Variants in SMC6 observed in about 807,000 individuals in gnomAD.
The protein encoded by SMC6 is structural maintenance of chromosomes protein 6.
In SMC6, 79 loss-of-function variants were observed where a neutral mutation model predicts 142.2. The observed-to-expected ratio is 0.56, with a 90% confidence interval of 0.46 to 0.67. The LOEUF is 0.67. Ranked by LOEUF, SMC6 falls within the 30% of genes least tolerant of loss-of-function variation. The pLI, the probability that SMC6 is intolerant of heterozygous loss-of-function variation, is 0.00. For missense variants in SMC6, 1,072 were observed against 1,284.0 expected (o/e 0.83, Z 2.52); for synonymous variants, 411 against 412.4 (o/e 1.00, Z 0.04).
chr2:17,687,565 C>A (rs1396988492), intron 23 of SMC6, among the ~76,000 whole-genome samples: 4 of 151,928 alleles, frequency 2.6e-5, no homozygotes, highest in Admixed American at 2.6e-4. Context: ...CACATATGAA[C>A]CTGCTTACTT....
chr2:17,669,313 G>A (rs868473546), intron 26 of SMC6, among the ~76,000 whole-genome samples: 11 of 152,268 alleles, frequency 7.2e-5, no homozygotes, highest in Middle Eastern at 3.4e-3. Context: ...TGTCTAATAG[G>A]TAGTAGGGCA....
At position 17,726,418 on chromosome 2, in the gene SMC6, G is replaced by A; in HGVS notation, c.595C>T (p.Gln199Ter). ...TATTTGTCTCCTTCATTTTTAGACT[G>A]TAAGAACTGCTTGCTCATTTCTTGT... The part of the protein sequence containing the change: ...LTQEMSKQFL[Q>*]SKNEGDKYKF... The change falls in exon 8 of 28, where the codon CAG becomes TAG. Residue 199 changes from glutamine to a stop codon, truncating the protein, a stop_gained. Coordinates refer to ENST00000448223, the MANE Select transcript of SMC6 (RefSeq NM_001142286.2). LOFTEE classifies it high-confidence loss of function. 1 of 1,612,080 alleles carries A rather than the reference G, an allele frequency of 6.2e-7. No homozygotes were observed. The highest frequency in any genetic ancestry group is 8.5e-7 in the Non-Finnish European group (1 of 1,179,392).
chr2:17,689,374 T>C (rs1292238214), intron 23 of SMC6, among the ~76,000 whole-genome samples: 2 of 152,204 alleles, frequency 1.3e-5, no homozygotes, highest in African/African-American at 4.8e-5. Flanking sequence ...CCGTCAACAT[T>C]GGAACTGGAC....
At chr2:17,744,634 C>T (rs923437500) in intron 3 of SMC6, among the ~76,000 whole-genome samples, 4 of 152,140 alleles carry the variant, frequency 2.6e-5, no homozygotes, top group Admixed American at 2.6e-4. Context: ...GTGACAGAAG[C>T]AAACACCTTT....
intron 7 of SMC6, among the ~76,000 whole-genome samples, chr2:17,730,606 T>C (rs938514287): frequency 6.0e-5 from 9 of 148,812 alleles, no homozygotes; most frequent in South Asian, 4.2e-4. Context: ...ATAAATTCTT[T>C]TTTTTTTTTT....
rs953459621 is a variant in SMC6, at chr2:17,670,716, T to C, written c.2911-141A>G. Reference sequence around the variant, plus strand: ...TGACTTAGTGATTTGGAAATACCCATTCCTTTCAAAAAATTTTACAGTAAA... The same window carrying C: ...TGACTTAGTGATTTGGAAATACCCACTCCTTTCAAAAAATTTTACAGTAAA... On this transcript the variant is annotated intron_variant, in intron 25 of 27. Transcript: ENST00000448223. 9.9e-6 allele frequency: 8 copies of C among 806,518 alleles called. No homozygotes were observed. The Admixed American group carries it at 1.8e-4, about 18-fold the overall frequency. The allele number at this position is 806,518 out of a possible 1,614,324, so 50.0% of individuals were successfully genotyped here.
chr2:17,703,174 G>A lies in SMC6; in HGVS notation c.2125C>T (p.His709Tyr), dbSNP rs527298898. 5.5e-6 allele frequency: 8 copies of A among 1,459,124 alleles called. No individual in the cohort carries two copies. The highest frequency in any genetic ancestry group is 7.6e-6 in the Non-Finnish European group (8 of 1,059,326). The allele number at this position is 1,459,124 out of a possible 1,614,324, so 90.4% of individuals were successfully genotyped here. Residue 709 changes from histidine to tyrosine, a missense_variant, in exon 19 of 28, where the codon CAT becomes TAT. Around this residue, in one of 3 missense-constraint regions of SMC6, gnomAD observed 994 missense variants for 1,153.2 expected, o/e 0.86. Transcript: ENST00000448223. Reference protein sequence around the residue: ...NEELLKRCQLHYKELKMKIRK... With the variant: ...NEELLKRCQLYYKELKMKIRK... The stretch of plus-strand genomic sequence containing the variant: ...TTTTTTACCTTTAGTTCTTTATAAT[G>A]TAGTTGGCACCTTTTAAGAAGTTCC...
At chr2:17,715,112 G>A in intron 15 of SMC6, 47 bp from the exon 16 acceptor site, 1 of 1,552,420 alleles carries the variant, frequency 6.4e-7, no homozygotes, top group South Asian at 1.2e-5. Flanking sequence ...TACTTATTTT[G>A]AAATATTAAC....
chr2:17,699,539 T>C (rs995881327), intron 21 of SMC6, among the ~76,000 whole-genome samples: 3 of 152,150 alleles, frequency 2.0e-5, no homozygotes, highest in African/African-American at 4.8e-5. Flanking sequence ...TTTTCAGTCA[T>C]GCCCTCTTTT....
chr2:17,739,000 T>C (rs1670295429), intron 4 of SMC6, among the ~76,000 whole-genome samples: 1 of 152,078 alleles, frequency 6.6e-6, no homozygotes, highest in Non-Finnish European at 1.5e-5. Context: ...GACAGGAATA[T>C]TGTCTCTTTC....
At chr2:17,675,950 C>T (rs888396813) in intron 25 of SMC6, among the ~76,000 whole-genome samples, 1 of 152,096 alleles carries the variant, frequency 6.6e-6, no homozygotes, top group Admixed American at 6.5e-5. Flanking sequence ...ATTCTTTCTG[C>T]TCATTCTTTG....
intron 25 of SMC6, among the ~76,000 whole-genome samples, chr2:17,678,219 T>C (rs930094643): frequency 6.6e-6 from 1 of 152,072 alleles, no homozygotes; most frequent in African/African-American, 2.4e-5. Flanking sequence ...GTACTTTCCA[T>C]AAAGTCCCAA....
intron 5 of SMC6, among the ~76,000 whole-genome samples, chr2:17,735,940 G>A (rs564691814): frequency 1.3e-5 from 2 of 152,304 alleles, no homozygotes; most frequent in East Asian, 3.9e-4. Context: ...AGAGTCCTTA[G>A]AACTACCTCA....
intron 16 of SMC6, among the ~76,000 whole-genome samples, chr2:17,708,993 C>T (rs1668686962): frequency 6.6e-6 from 1 of 151,930 alleles, no homozygotes. Context: ...AAGCATGTTA[C>T]AAATATTAGC....
At chr2:17,748,928 G>T (rs6761104) in intron 2 of SMC6, among the ~76,000 whole-genome samples, 1 of 152,064 alleles carries the variant, frequency 6.6e-6, no homozygotes, top group African/African-American at 2.4e-5. Flanking sequence ...CAAACACTAC[G>T]TGATGACGAT....
rs1450279410 is a variant in SMC6, at chr2:17,678,944, T to G, written c.2825A>C (p.Lys942Thr). 1 of 1,611,532 alleles carries G rather than the reference T, an allele frequency of 6.2e-7. No homozygotes were observed. Among genetic ancestry groups the G allele is most frequent in the South Asian group, 1.1e-5 (1 of 90,272 alleles). Residue 942 changes from lysine to threonine, a missense_variant, in exon 25 of 28, where the codon AAA becomes ACA. Lys to Thr is a moderately conservative substitution (Grantham distance 78, BLOSUM62 -1). Coordinates refer to ENST00000448223, the MANE Select transcript of SMC6 (RefSeq NM_001142286.2). ...AGATAGTAAGTTGTCAAAGTATAAT[T>G]TGCATCGTAAAGTCAAACACCTTGA... ...QFRRCLTLRC[K>T]LYFDNLLSQR...
At chr2:17,674,654 G>A (rs1379848267) in intron 25 of SMC6, among the ~76,000 whole-genome samples, 1 of 152,048 alleles carries the variant, frequency 6.6e-6, no homozygotes, top group Non-Finnish European at 1.5e-5. Context: ...AACTGTAATT[G>A]TCAATTCTTT....
chr2:17,699,419 CA>C (rs1452063425), intron 21 of SMC6, among the ~76,000 whole-genome samples: 1 of 152,080 alleles, frequency 6.6e-6, no homozygotes, highest in Non-Finnish European at 1.5e-5. Context: ...TGTCTTATTG[CA>C]GATTACTTTG....
chr2:17,714,145 T>C (rs1377447927), intron 16 of SMC6, among the ~76,000 whole-genome samples: 1 of 151,204 alleles, frequency 6.6e-6, no homozygotes, highest in African/African-American at 2.4e-5. Context: ...TGGAGTGCAG[T>C]GGCATGACCT....
Sources: gnomAD v4.1 joint callset for allele counts (sites outside exome capture counted in the v4.1 genomes callset) on GRCh38, gnomAD v4.1.1 for gene constraint, gnomAD v4.1.1 regional missense constraint, MANE v1.5 for transcripts, NCBI Gene and HGNC (gene_info 2026-07-23, HGNC 2026-07-21) for gene names.